Variants in RIOX2 observed in about 807,000 individuals in gnomAD.
The protein encoded by RIOX2 is 60S ribosomal protein L27a histidine hydroxylase.
In RIOX2, 43 loss-of-function variants were observed where a neutral mutation model predicts 51.2. That is an observed-to-expected ratio of 0.84 (90% CI 0.66 to 1.08). RIOX2 has a LOEUF of 1.08. RIOX2 is among the 50% of genes least tolerant of loss of function. The probability of loss-of-function intolerance (pLI) is 0.00; values close to 1 mark genes in which losing one functional copy is unlikely to be tolerated. For missense variants in RIOX2, 566 were observed against 561.7 expected, an observed-to-expected ratio of 1.01 and a Z score of -0.08; for synonymous variants, 226 against 218.5, an observed-to-expected ratio of 1.03 and a Z score of -0.30.
intron 5 of RIOX2, 116 bp downstream of exon 5, chr3:97,954,276 C>A (rs964038654): frequency 2.8e-5 from 20 of 714,584 alleles, no homozygotes; most frequent in Non-Finnish European, 4.8e-5. Context: ...AGGACATAAA[C>A]CCTGGGGTTT....
In RIOX2 at chr3:97,943,602, CT is replaced by C; in HGVS notation, c.*1581del. ...AAGTTTCCTGAAGTGTTTATTTTCTCTCATATCCACCAAACGTGAATCCTGT... is the reference window on the plus strand; with the variant it reads ...AAGTTTCCTGAAGTGTTTATTTTCTCCATATCCACCAAACGTGAATCCTGT... On this transcript the variant is annotated 3_prime_UTR_variant, in exon 10 of 10. Coordinates refer to ENST00000394198, the MANE Select transcript of RIOX2 (RefSeq NM_153182.4). 2.9e-6 allele frequency: 1 copy of C among 343,446 alleles called. No homozygotes were observed. Among genetic ancestry groups the C allele is most frequent in the Admixed American group, 5.3e-5 (1 of 18,928 alleles). 21.3% of individuals were successfully genotyped at this position (343,446 alleles called of 1,614,324 possible).
intron 4 of RIOX2, among the ~76,000 whole-genome samples, chr3:97,956,374 T>C (rs1335100613): frequency 6.6e-6 from 1 of 152,216 alleles, no homozygotes; most frequent in Non-Finnish European, 1.5e-5. Context: ...AGATCCCTTT[T>C]AGTCTCCTGA....
At chr3:97,957,007 G>A (rs141706106) in intron 4 of RIOX2, among the ~76,000 whole-genome samples, 4 of 152,240 alleles carry the variant, frequency 2.6e-5, no homozygotes, top group South Asian at 4.1e-4. Flanking sequence ...CATCACAGGC[G>A]TGATCTCATC....
Position 97,942,247 on chromosome 3 carries a change from A to G in RIOX2, c.*2937T>C, listed in dbSNP as rs758450684. ...CCTAATTCAACTTACTTTAGCAAACATACTACTGCCAATTAATCATTTCTT... is the reference window on the plus strand; with the variant it reads ...CCTAATTCAACTTACTTTAGCAAACGTACTACTGCCAATTAATCATTTCTT... On this transcript the variant is annotated 3_prime_UTR_variant, in exon 10 of 10. Transcript: ENST00000394198. 2.6e-6 allele frequency: 4 copies of G among 1,565,026 alleles called. No individual in the cohort carries two copies. Among genetic ancestry groups the G allele is most frequent in the Non-Finnish European group, 3.5e-6 (4 of 1,149,246 alleles).
At chr3:97,963,453 G>C (rs1705758445) in intron 2 of RIOX2, among the ~76,000 whole-genome samples, 1 of 152,122 alleles carries the variant, frequency 6.6e-6, no homozygotes, top group African/African-American at 2.4e-5. Context: ...AGACCACTGG[G>C]CTTCTCTATA....
intron 7 of RIOX2, 104 bp from the exon 8 acceptor site, chr3:97,947,553 A>T: frequency 1.2e-6 from 1 of 840,648 alleles, no homozygotes; most frequent in Non-Finnish European, 2.0e-6. Context: ...AACAATTTAC[A>T]GGTGAATCCA....
intron 5 of RIOX2, among the ~76,000 whole-genome samples, chr3:97,953,287 GCT>G (rs940911362): frequency 1.3e-5 from 2 of 152,038 alleles, no homozygotes; most frequent in African/African-American, 4.8e-5. Context: ...CAAAGTATAA[GCT>G]CTCTCAAAAC....
At chr3:97,952,273 A>T (rs1251824362) in intron 5 of RIOX2, 10 of 1,275,188 alleles carry the variant, frequency 7.8e-6, no homozygotes, top group African/African-American at 1.5e-5. Flanking sequence ...CACAGGTCAA[A>T]ATCCAGCCTG....
At chr3:97,945,934 G>A in intron 8 of RIOX2, 47 bp from the exon 9 acceptor site, 1 of 1,348,848 alleles carries the variant, frequency 7.4e-7, no homozygotes, top group South Asian at 1.2e-5. Context: ...ACACAACACT[G>A]AAGGTGTCAG....
Position 97,943,973 on chromosome 3 carries a change from G to A in RIOX2, c.*1211C>T, listed in dbSNP as rs376117777. 1.3e-5 allele frequency: 2 copies of A among 151,930 alleles called. No individual in the cohort carries two copies. Among genetic ancestry groups the A allele is most frequent in the East Asian group, 3.9e-4 (2 of 5,162 alleles). The allele number at this position is 151,930 out of a possible 1,614,324, so 9.4% of individuals were successfully genotyped here. A position where few individuals can be genotyped will look rare whatever the true frequency, so the allele number is the denominator to read the frequency against. On this transcript the variant is annotated 3_prime_UTR_variant, in exon 10 of 10. Coordinates refer to ENST00000394198, the MANE Select transcript of RIOX2 (RefSeq NM_153182.4). Reference sequence around the variant, plus strand: ...TTCCTCAGTCCTTCAAACTAAAAAAGTACAAATAAATAACCTATGGCCAAA... The same window carrying A: ...TTCCTCAGTCCTTCAAACTAAAAAAATACAAATAAATAACCTATGGCCAAA...
intron 3 of RIOX2, 53 bp downstream of exon 3, chr3:97,961,536 G>A: frequency 6.5e-7 from 1 of 1,547,530 alleles, no homozygotes; most frequent in Non-Finnish European, 8.7e-7. Flanking sequence ...TACTAAACCA[G>A]GCTCTCAACA....
chr3:97,956,307 T>G (rs1559759953), intron 4 of RIOX2, among the ~76,000 whole-genome samples: 1 of 152,160 alleles, frequency 6.6e-6, no homozygotes, highest in Non-Finnish European at 1.5e-5. Context: ...CTGGAAAACG[T>G]AAGTAAACAT....
At chr3:97,960,063 TA>T (rs1705617974) in intron 3 of RIOX2, among the ~76,000 whole-genome samples, 1 of 152,210 alleles carries the variant, frequency 6.6e-6, no homozygotes, top group African/African-American at 2.4e-5. Flanking sequence ...TGTATCACAG[TA>T]AAAAATGATC....
chr3:97,950,095 A>C, intron 6 of RIOX2, 80 bp from the exon 7 acceptor site: 1 of 1,389,550 alleles, frequency 7.2e-7, no homozygotes, highest in African/African-American at 1.4e-5. Flanking sequence ...AGACTGCAAA[A>C]CTGCCAGCCA....
At chr3:97,947,506 A>T in intron 7 of RIOX2, 57 bp from the exon 8 acceptor site, 1 of 1,373,460 alleles carries the variant, frequency 7.3e-7, no homozygotes, top group Non-Finnish European at 1.0e-6. Flanking sequence ...GGCAGATTCA[A>T]ACTTGCTTAT....
At chr3:97,954,235 T>G in intron 5 of RIOX2, 157 bp downstream of exon 5, 1 of 604,822 alleles carries the variant, frequency 1.7e-6, no homozygotes, top group Non-Finnish European at 3.0e-6. Flanking sequence ...GTCACATACA[T>G]GGGACATCAA....
chr3:97,950,901 C>A lies in RIOX2; in HGVS notation c.786-13G>T. The stretch of plus-strand genomic sequence containing the variant: ...ATCTCCCCATGAACTAGGATATGCA[C>A]CAAGGGGGAAAAAAAAACCAAAACA... On this transcript the variant is annotated splice_polypyrimidine_tract_variant and intron_variant, in intron 5 of 9. Transcript: ENST00000394198. 1 of 1,593,888 alleles carries A rather than the reference C, an allele frequency of 6.3e-7. No individual in the cohort carries two copies. Among genetic ancestry groups the A allele is most frequent in the Non-Finnish European group, 8.6e-7 (1 of 1,162,788 alleles).
At chr3:97,970,270 T>C (rs1442312331) in intron 1 of RIOX2, among the ~76,000 whole-genome samples, 1 of 152,226 alleles carries the variant, frequency 6.6e-6, no homozygotes, top group Non-Finnish European at 1.5e-5. Context: ...TTCCTTAGAA[T>C]ATAAATTTCA....
At chr3:97,971,153 G>T (rs550633815) in intron 1 of RIOX2, among the ~76,000 whole-genome samples, 1 of 152,180 alleles carries the variant, frequency 6.6e-6, no homozygotes, top group African/African-American at 2.4e-5. Context: ...AAGCTAAAAG[G>T]CACTTTAGAC....
Sources: gnomAD v4.1 joint callset for allele counts (sites outside exome capture counted in the v4.1 genomes callset) on GRCh38, gnomAD v4.1.1 for gene constraint, MANE v1.5 for transcripts, NCBI Gene and HGNC (gene_info 2026-07-23, HGNC 2026-07-21) for gene names.